The following CRISPLD1 variants were observed in gnomAD, a reference collection of about 807,000 sequenced individuals.
CRISPLD1 encodes cysteine-rich secretory protein LCCL domain-containing 1.
Under a neutral mutation model 77.5 loss-of-function variants are expected in CRISPLD1, and 60 were observed. The ratio of observed to expected loss-of-function variants is 0.77; its 90% CI spans 0.63 to 0.96. The LOEUF is 0.96. Ranked by LOEUF, CRISPLD1 falls within the 40% of genes least tolerant of loss-of-function variation. The pLI is 0.00. For missense variants in CRISPLD1, 623 were observed against 615.8 expected (o/e 1.01, Z -0.12); for synonymous variants, 195 against 200.1 (o/e 0.97, Z 0.22).
At chr8:74,986,308 T>A in intron 2 of CRISPLD1, 63 bp downstream of exon 2, 3 of 1,445,070 alleles carry the variant, frequency 2.1e-6, no homozygotes, top group Admixed American at 1.9e-5. Context: ...CAGTCAGCAG[T>A]CTTCATGCTG....
At chr8:74,988,239 A>C (rs1027083869) in intron 2 of CRISPLD1, among the ~76,000 whole-genome samples, 3 of 152,230 alleles carry the variant, frequency 2.0e-5, no homozygotes, top group Admixed American at 1.3e-4. Flanking sequence ...ATTCTTATAA[A>C]AATCCAATTT....
intron 2 of CRISPLD1, among the ~76,000 whole-genome samples, chr8:74,995,119 A>G (rs1812627024): frequency 6.6e-6 from 1 of 152,168 alleles, no homozygotes; most frequent in Non-Finnish European, 1.5e-5. Flanking sequence ...ATGAGTATAG[A>G]TAGAGATGTT....
chr8:75,024,317 T>TTTGTTGTTG (rs34289920), intron 12 of CRISPLD1, among the ~76,000 whole-genome samples: 1 of 151,226 alleles, frequency 6.6e-6, no homozygotes, highest in Non-Finnish European at 1.5e-5. Context: ...GACTTGTACA[T>TTTGTTGTTG]TTGTTGTTGT....
At chr8:74,987,771 A>G (rs1164044696) in intron 2 of CRISPLD1, among the ~76,000 whole-genome samples, 1 of 152,180 alleles carries the variant, frequency 6.6e-6, no homozygotes, top group Non-Finnish European at 1.5e-5. Flanking sequence ...ATAGGTATTC[A>G]GTTGCTTTTT....
At chr8:74,995,275 C>T (rs1328921041) in intron 2 of CRISPLD1, among the ~76,000 whole-genome samples, 2 of 152,192 alleles carry the variant, frequency 1.3e-5, no homozygotes, top group Admixed American at 1.3e-4. Context: ...GTGATCAGCT[C>T]TGTCAAAGGC....
intron 12 of CRISPLD1, among the ~76,000 whole-genome samples, chr8:75,020,380 G>A (rs1474412949): frequency 6.6e-6 from 1 of 152,198 alleles, no homozygotes; most frequent in Non-Finnish European, 1.5e-5. Context: ...AGACTGGGTG[G>A]TGTAAACATG....
chr8:74,998,526 A>AT (rs1812680331), intron 2 of CRISPLD1, among the ~76,000 whole-genome samples: 1 of 151,854 alleles, frequency 6.6e-6, no homozygotes, highest in Non-Finnish European at 1.5e-5. Context: ...CGTCTCTATT[A>AT]AAAATAGAAA....
Position 74,998,734 on chromosome 8 carries a change from TGAA to T in CRISPLD1, c.258+12494_258+12496del, listed in dbSNP as rs1364227496. On this transcript the variant is annotated intron_variant, in intron 2 of 14. Coordinates refer to ENST00000262207, the MANE Select transcript of CRISPLD1 (RefSeq NM_031461.6). ...GTAAAGTTCAAAGGTTTAATAGCAGTGAAGAAGTTTACTATATTATTTCAAGGT... is the reference window on the plus strand; with the variant it reads ...GTAAAGTTCAAAGGTTTAATAGCAGTGAAGTTTACTATATTATTTCAAGGT... Among the ~76,000 whole-genome samples the T allele has an allele frequency of 2.8e-5, 4 of 142,414 alleles. No homozygotes were observed. The East Asian group carries it at 8.1e-4, about 29-fold the overall frequency. 93.4% of individuals were successfully genotyped at this position (142,414 alleles called of 152,430 possible). A position where few individuals can be genotyped will look rare whatever the true frequency, so the allele number is the denominator to read the frequency against.
At chr8:75,012,286 A>ATATC in intron 2 of CRISPLD1, 147 bp from the exon 3 acceptor site, 1 of 621,596 alleles carries the variant, frequency 1.6e-6, no homozygotes, top group East Asian at 2.7e-5. Context: ...AAAAACTTAG[A>ATATC]TGACTTTTGA....
intron 2 of CRISPLD1, among the ~76,000 whole-genome samples, chr8:74,998,741 G>C (rs1812686271): frequency 6.9e-6 from 1 of 143,920 alleles, no homozygotes; most frequent in African/African-American, 2.6e-5. Context: ...CAGTGAAGAA[G>C]TTTACTATAT....
In CRISPLD1 at chr8:75,025,622, G is replaced by A. The variant is rs1463692790; in HGVS notation, c.1320+1G>A. On this transcript the variant is annotated splice_donor_variant, in intron 13 of 14. Coordinates refer to ENST00000262207, the MANE Select transcript of CRISPLD1 (RefSeq NM_031461.6). LOFTEE classifies it high-confidence loss of function. The stretch of plus-strand genomic sequence containing the variant: ...AATTGGAACTCGAGTTTATTCTGAT[G>A]TAAGTATCCTAATTTATACAGCTGT... The A allele has an allele frequency of 2.6e-6, 4 of 1,518,614 alleles. No individual in the cohort carries two copies. The highest frequency in any genetic ancestry group is 1.4e-5 in the African/African-American group (1 of 73,134). The allele number at this position is 1,518,614 out of a possible 1,614,324, so 94.1% of individuals were successfully genotyped here. A position where few individuals can be genotyped will look rare whatever the true frequency, so the allele number is the denominator to read the frequency against.
intron 14 of CRISPLD1, among the ~76,000 whole-genome samples, chr8:75,030,678 A>ATG (rs1225992433): frequency 1.5e-5 from 2 of 137,394 alleles, no homozygotes; most frequent in African/African-American, 6.0e-5. Context: ...ACCCGGAGAT[A>ATG]TATGTGTGTG....
chr8:75,000,343 A>G (rs1812719384), intron 2 of CRISPLD1: 2 of 985,314 alleles, frequency 2.0e-6, no homozygotes, highest in Non-Finnish European at 2.4e-6. Flanking sequence ...ATGGAATAAG[A>G]ACATGGAAAC....
chr8:75,024,333 T>TTC (rs1813196302), intron 12 of CRISPLD1, among the ~76,000 whole-genome samples: 2 of 152,244 alleles, frequency 1.3e-5, no homozygotes, highest in African/African-American at 4.8e-5. Flanking sequence ...GTTGTTGTTT[T>TTC]GTTTTGTTTT....
intron 2 of CRISPLD1, among the ~76,000 whole-genome samples, chr8:75,011,724 A>G (rs1812934571): frequency 6.6e-6 from 1 of 152,146 alleles, no homozygotes; most frequent in South Asian, 2.1e-4. Context: ...TATGAGAATC[A>G]GATTTGTTAA....
At position 75,017,377 on chromosome 8, in the gene CRISPLD1, T is replaced by C. The variant is rs1456197516; in HGVS notation, c.1054T>C (p.Trp352Arg). 2 of 1,611,146 alleles carry C rather than the reference T, an allele frequency of 1.2e-6. No individual in the cohort carries two copies. The highest frequency in any genetic ancestry group is 4.5e-5 in the East Asian group (2 of 44,668). The change falls in exon 10 of 15, where the codon TGG becomes CGG. Residue 352 changes from tryptophan (W) to arginine (R), a missense_variant. Transcript: ENST00000262207. ...TGGTATAATAGACAATGATGGTGGC[T>C]GGGTAGATATCACTAGACAAGGAAG... ...HYGIIDNDGG[W>R]VDITRQGRKH... is the part of the protein sequence containing the mutation.
At chr8:75,012,363 C>A (rs1812946725) in intron 2 of CRISPLD1, 70 bp from the exon 3 acceptor site, 2 of 886,730 alleles carry the variant, frequency 2.3e-6, no homozygotes, top group Non-Finnish European at 3.8e-6. Flanking sequence ...GTAAGAACTG[C>A]TCAACACTGT....
chr8:75,023,160 C>A (rs1338299694), intron 12 of CRISPLD1, among the ~76,000 whole-genome samples: 1 of 149,452 alleles, frequency 6.7e-6, no homozygotes. Flanking sequence ...GATTGGAATA[C>A]AAACAAGCAA....
intron 4 of CRISPLD1, 25 bp downstream of exon 4, chr8:75,013,047 A>T (rs372002946): frequency 3.4e-6 from 5 of 1,480,828 alleles, no homozygotes; most frequent in East Asian, 4.7e-5. Flanking sequence ...TATTATACTT[A>T]ATTCCCCCAA....
Sources: gnomAD v4.1 joint callset for allele counts (sites outside exome capture counted in the v4.1 genomes callset) on GRCh38, gnomAD v4.1.1 for gene constraint, MANE v1.5 for transcripts, NCBI Gene and HGNC (gene_info 2026-07-23, HGNC 2026-07-21) for gene names.